Variants in NOL4 observed in about 807,000 individuals in gnomAD.
The protein encoded by NOL4 is nucleolar protein 4, also known as cancer/testis antigen 125.
In NOL4, 17 loss-of-function variants were observed where a neutral mutation model predicts 75.9. The observed-to-expected ratio is 0.22, with a 90% CI of 0.15 to 0.34. NOL4 has a LOEUF of 0.34. Ranked by LOEUF, NOL4 falls within the 10% of genes least tolerant of loss-of-function variation. The pLI is 1.00. For missense variants in NOL4, 614 were observed against 793.5 expected (o/e 0.77, Z 2.72); for synonymous variants, 292 against 289.9 (o/e 1.01, Z -0.07).
At chr18:33,896,489 C>T (rs1308634453) in intron 9 of NOL4, among the ~76,000 whole-genome samples, 1 of 152,036 alleles carries the variant, frequency 6.6e-6, no homozygotes, top group African/African-American at 2.4e-5. Flanking sequence ...CATCTATGAC[C>T]ATCTGATCTT....
At chr18:34,066,818 T>C (rs2077298644) in intron 5 of NOL4, among the ~76,000 whole-genome samples, 2 of 151,806 alleles carry the variant, frequency 1.3e-5, no homozygotes, top group Non-Finnish European at 2.9e-5. Flanking sequence ...ACTCTATATA[T>C]AATTAATGTA....
intron 4 of NOL4, among the ~76,000 whole-genome samples, chr18:34,103,398 A>G (rs1245460712): frequency 6.6e-6 from 1 of 152,014 alleles, no homozygotes; most frequent in Non-Finnish European, 1.5e-5. Context: ...AGCTAACTAG[A>G]ATCCTACAGA....
intron 6 of NOL4, among the ~76,000 whole-genome samples, chr18:33,969,022 C>G (rs1316724531): frequency 6.6e-6 from 1 of 152,136 alleles, no homozygotes; most frequent in Non-Finnish European, 1.5e-5. Context: ...ATCATGCAAA[C>G]TGTTAGATTA....
chr18:34,077,377 C>A (rs148482997), intron 5 of NOL4, among the ~76,000 whole-genome samples: 156 of 152,072 alleles, frequency 1.0e-3, no homozygotes, highest in Admixed American at 2.8e-3. Context: ...AAAATCAAGA[C>A]AAATATTTCT....
At chr18:33,906,019 T>C (rs2066020980) in intron 9 of NOL4, among the ~76,000 whole-genome samples, 1 of 152,214 alleles carries the variant, frequency 6.6e-6, no homozygotes, top group African/African-American at 2.4e-5. Flanking sequence ...GCTCCTAAAC[T>C]CATCACTCCT....
intron 1 of NOL4, among the ~76,000 whole-genome samples, chr18:34,219,248 G>A (rs1401216733): frequency 1.3e-5 from 2 of 152,182 alleles, no homozygotes; most frequent in African/African-American, 4.8e-5. Flanking sequence ...CTTTGTGTCT[G>A]TTCCTACAAA....
chr18:34,155,142 G>A (rs947569749), intron 1 of NOL4, among the ~76,000 whole-genome samples: 8 of 151,858 alleles, frequency 5.3e-5, no homozygotes, highest in African/African-American at 1.4e-4. Context: ...CCACAAATAC[G>A]TGAAAGTTGG....
rs192710214 is a variant in NOL4, at chr18:34,080,769, C to T, written c.772+12696G>A. ...AAAACACATGTTTAACTGGGTAAAG[C>T]ATCATTGTTAATGGCAAAAAGAAGC... On this transcript the variant is annotated intron_variant, in intron 5 of 10. Coordinates refer to ENST00000261592, the MANE Select transcript of NOL4 (RefSeq NM_003787.5). 2.4e-3 allele frequency among the ~76,000 whole-genome samples: 372 copies of T among 152,208 alleles called. 10 individuals carry two copies. The highest frequency in any genetic ancestry group is 0.023 in the Admixed American group (350 of 15,276).
chr18:33,945,928 C>T (rs1023550187), intron 8 of NOL4, among the ~76,000 whole-genome samples: 8 of 151,686 alleles, frequency 5.3e-5, no homozygotes, highest in Admixed American at 2.0e-4. Context: ...TGAACTAGAT[C>T]CAGAACTCAG....
intron 6 of NOL4, among the ~76,000 whole-genome samples, chr18:34,007,976 G>A (rs2074134206): frequency 6.6e-6 from 1 of 151,976 alleles, no homozygotes; most frequent in Non-Finnish European, 1.5e-5. Context: ...ATTTCTGGGT[G>A]TGTCTTTGAA....
chr18:34,007,945 T>A lies in NOL4; in HGVS notation c.1056+11373A>T, dbSNP rs534174745. On this transcript the variant is annotated intron_variant, in intron 6 of 10. Coordinates refer to ENST00000261592, the MANE Select transcript of NOL4 (RefSeq NM_003787.5). ...GTCAACTAGACTGCGCTATAGGGTGTTGAGATAGCTTGTAAATATTATTTC... is the reference window on the plus strand; with the variant it reads ...GTCAACTAGACTGCGCTATAGGGTGATGAGATAGCTTGTAAATATTATTTC... Among the ~76,000 whole-genome samples, 6 of 152,030 alleles carry A rather than the reference T, an allele frequency of 3.9e-5. No individual in the cohort carries two copies. The South Asian group carries it at 1.2e-3, about 32-fold the overall frequency.
chr18:34,192,284 A>G (rs2034976627), intron 1 of NOL4, among the ~76,000 whole-genome samples: 1 of 152,212 alleles, frequency 6.6e-6, no homozygotes, highest in Non-Finnish European at 1.5e-5. Context: ...AAACATCCAT[A>G]GTACCCAAAG....
At chr18:34,032,682 G>A (rs994675180) in intron 5 of NOL4, among the ~76,000 whole-genome samples, 1 of 151,944 alleles carries the variant, frequency 6.6e-6, no homozygotes, top group African/African-American at 2.4e-5. Context: ...GCTGTCCAGG[G>A]ACCTGAGAAC....
rs2063986826 is a variant in NOL4 at position 33,877,321 on chromosome 18, A to G, written c.1723+5923T>C. Among the ~76,000 whole-genome samples, 5 of 151,700 alleles carry G rather than the reference A, an allele frequency of 3.3e-5. No individual in the cohort carries two copies. In the Admixed American group the frequency reaches 3.3e-4, roughly 10 times the overall value. Reference sequence around the variant, plus strand: ...GTCTCAAAAAATAATTAAAAAAATCAAATTAAAAATTAGCCAGGTGTGGCA... The same window carrying G: ...GTCTCAAAAAATAATTAAAAAAATCGAATTAAAAATTAGCCAGGTGTGGCA... On this transcript the variant is annotated intron_variant, in intron 10 of 10. Transcript: ENST00000261592.
At chr18:34,009,346 T>TAGCTTAA in intron 6 of NOL4, among the ~76,000 whole-genome samples, 1 of 152,078 alleles carries the variant, frequency 6.6e-6, no homozygotes, top group South Asian at 2.1e-4. Context: ...TAGTATTTGC[T>TAGCTTAA]AGCTTAAATA....
At chr18:33,889,327 T>C (rs1488975735) in intron 9 of NOL4, among the ~76,000 whole-genome samples, 5 of 152,028 alleles carry the variant, frequency 3.3e-5, no homozygotes, top group African/African-American at 9.7e-5. Flanking sequence ...CAGGAAGAAG[T>C]TGAATCTCTG....
intron 1 of NOL4, 41 bp from the exon 2 acceptor site, chr18:34,130,061 TA>T: frequency 6.8e-7 from 1 of 1,462,254 alleles, no homozygotes; most frequent in Non-Finnish European, 9.1e-7. Flanking sequence ...ATAAGATTAA[TA>T]AACTAATTTG....
At chr18:33,917,287 A>C (rs1174438154) in intron 9 of NOL4, among the ~76,000 whole-genome samples, 5 of 152,000 alleles carry the variant, frequency 3.3e-5, no homozygotes, top group African/African-American at 1.2e-4. Context: ...GTTTCAGTAA[A>C]ATTTTGAGCC....
chr18:34,070,293 A>T (rs939561830), intron 5 of NOL4, among the ~76,000 whole-genome samples: 3 of 152,240 alleles, frequency 2.0e-5, no homozygotes, highest in Non-Finnish European at 4.4e-5. Flanking sequence ...TGCTGGGATT[A>T]CAGGCGTGAG....
Sources: gnomAD v4.1 joint callset for allele counts (sites outside exome capture counted in the v4.1 genomes callset) on GRCh38, gnomAD v4.1.1 for gene constraint, MANE v1.5 for transcripts, NCBI Gene and HGNC (gene_info 2026-07-23, HGNC 2026-07-21) for gene names.